ENTREP2: variants seen among roughly 807,000 people sequenced by gnomAD.
ENTREP2 encodes the protein endosomal transmembrane epsin interactor 2, also known as protein ENTREP2.
the ENTREP2 span, among the ~76,000 whole-genome samples, chr15:29,558,976 A>G: frequency 6.6e-6 from 1 of 152,064 alleles, no homozygotes; most frequent in Non-Finnish European, 1.5e-5. Flanking sequence ...ATATGAGGCT[A>G]TTAGTAGTTA....
the ENTREP2 span, among the ~76,000 whole-genome samples, chr15:29,521,418 G>C: frequency 6.6e-6 from 1 of 152,196 alleles, no homozygotes; most frequent in Non-Finnish European, 1.5e-5. Flanking sequence ...TATGTTAACA[G>C]ACAATTCTCC....
At chr15:29,632,783 G>A in the ENTREP2 span, among the ~76,000 whole-genome samples, 7 of 152,174 alleles carry the variant, frequency 4.6e-5, no homozygotes, top group African/African-American at 7.2e-5. Context: ...AGAGCAAGCC[G>A]CAAAGGTCCC....
the ENTREP2 span, among the ~76,000 whole-genome samples, chr15:29,336,351 A>G: frequency 3.3e-5 from 5 of 151,688 alleles, no homozygotes; most frequent in African/African-American, 9.7e-5. Flanking sequence ...TCACTCTGTC[A>G]CCCAGGCTGG....
chr15:29,175,225 C>T, the ENTREP2 span, among the ~76,000 whole-genome samples: 1 of 152,184 alleles, frequency 6.6e-6, no homozygotes, highest in Non-Finnish European at 1.5e-5. Context: ...CTAAATTTCA[C>T]TGTGCCTCAG....
At chr15:29,388,487 A>G in the ENTREP2 span, among the ~76,000 whole-genome samples, 4 of 152,334 alleles carry the variant, frequency 2.6e-5, no homozygotes, top group African/African-American at 9.6e-5. Flanking sequence ...GAGAGGACGT[A>G]GAGAAATAGG....
At chr15:29,666,622 C>T in the ENTREP2 span, among the ~76,000 whole-genome samples, 1 of 152,204 alleles carries the variant, frequency 6.6e-6, no homozygotes, top group African/African-American at 2.4e-5. Context: ...ACCGTGCCTG[C>T]ACCAGCCCTC....
At chr15:29,406,598 TTTTAAAAGTA>T in the ENTREP2 span, among the ~76,000 whole-genome samples, 1 of 152,090 alleles carries the variant, frequency 6.6e-6, no homozygotes, top group Non-Finnish European at 1.5e-5. Flanking sequence ...ATGAATATAT[TTTTAAAAGTA>T]TTTCATTTTT....
chr15:29,219,989 A>G, the ENTREP2 span, among the ~76,000 whole-genome samples: 1 of 152,066 alleles, frequency 6.6e-6, no homozygotes, highest in Non-Finnish European at 1.5e-5. Flanking sequence ...ACCAAATACC[A>G]CCTGTTCGCC....
At chr15:29,185,813 C>T in the ENTREP2 span, among the ~76,000 whole-genome samples, 3 of 152,160 alleles carry the variant, frequency 2.0e-5, no homozygotes, top group African/African-American at 7.2e-5. Flanking sequence ...CTGCCCACCT[C>T]GGCCTCCCAA....
the ENTREP2 span, among the ~76,000 whole-genome samples, chr15:29,270,327 C>T: frequency 2.2e-4 from 34 of 152,236 alleles, no homozygotes; most frequent in African/African-American, 8.0e-4. Flanking sequence ...AAGTCGGCTG[C>T]AGGCTTTCTG....
At chr15:29,613,522 C>A in the ENTREP2 span, 1 of 304,048 alleles carries the variant, frequency 3.3e-6, no homozygotes, top group Non-Finnish European at 6.6e-6. Flanking sequence ...ATGAACACCT[C>A]CAGTGTAATG....
chr15:29,142,084 G>C, the ENTREP2 span, among the ~76,000 whole-genome samples: 1 of 152,352 alleles, frequency 6.6e-6, no homozygotes, highest in African/African-American at 2.4e-5. Context: ...GTCAAGTCCA[G>C]GCAAGGCAGG....
chr15:29,275,744 A>G, the ENTREP2 span, among the ~76,000 whole-genome samples: 1 of 152,200 alleles, frequency 6.6e-6, no homozygotes, highest in South Asian at 2.1e-4. Flanking sequence ...TCTCCTCTTC[A>G]TTCATGGTAT....
chr15:29,516,613 G>T, the ENTREP2 span, among the ~76,000 whole-genome samples: 2 of 151,696 alleles, frequency 1.3e-5, no homozygotes, highest in Non-Finnish European at 2.9e-5. Context: ...GGGATGGGGG[G>T]GTGCAGGTAC....
the ENTREP2 span, among the ~76,000 whole-genome samples, chr15:29,438,467 C>T: frequency 2.0e-5 from 3 of 152,128 alleles, no homozygotes; most frequent in East Asian, 5.8e-4. Flanking sequence ...TCCCTTTCTA[C>T]CATCCAGTCA....
chr15:29,356,661 A>G, the ENTREP2 span, among the ~76,000 whole-genome samples: 460 of 152,164 alleles, frequency 3.0e-3, 1 homozygote, highest in Non-Finnish European at 4.7e-3. Context: ...GGTACCAAGG[A>G]TAAGTGCATG....
chr15:29,565,697 C>G, the ENTREP2 span, among the ~76,000 whole-genome samples: 5 of 152,140 alleles, frequency 3.3e-5, no homozygotes, highest in African/African-American at 1.2e-4. Flanking sequence ...GGTGCGGTGG[C>G]TCACGCCTGT....
the ENTREP2 span, among the ~76,000 whole-genome samples, chr15:29,345,174 C>T: frequency 0.029 from 4,418 of 152,198 alleles, 104 homozygotes; most frequent in Non-Finnish European, 0.042. Flanking sequence ...GCTCCTCCTC[C>T]GTAACTGATG....
chr15:29,347,194 A>C, the ENTREP2 span, among the ~76,000 whole-genome samples: 1 of 151,924 alleles, frequency 6.6e-6, no homozygotes, highest in African/African-American at 2.4e-5. Flanking sequence ...TTCTTTTTTG[A>C]GACAAGATCT....
Sources: gnomAD v4.1 joint callset for allele counts (sites outside exome capture counted in the v4.1 genomes callset) on GRCh38, gnomAD v4.1.1 for gene constraint, MANE v1.5 for transcripts, NCBI Gene and HGNC (gene_info 2026-07-23, HGNC 2026-07-21) for gene names.